Variants in COL27A1 observed in about 807,000 individuals in gnomAD.
COL27A1 encodes collagen alpha-1(XXVII) chain.
COL27A1 carries 106 observed loss-of-function variants against 251.3 expected under a neutral mutation model. The ratio of observed to expected loss-of-function variants is 0.42; its 90% CI spans 0.36 to 0.50. The LOEUF (loss-of-function observed/expected upper bound fraction) is 0.50. Among genes scored for constraint, COL27A1 ranks in the 20% least tolerant of loss-of-function variants. COL27A1 has a pLI of 0.00. For missense variants in COL27A1, 2,325 were observed against 2,522.8 expected (o/e 0.92, Z 1.68); for synonymous variants, 1,000 against 986.3 (o/e 1.01, Z -0.26).
At chr9:114,278,969 G>A (rs184118258) in intron 37 of COL27A1, among the ~76,000 whole-genome samples, 2 of 152,290 alleles carry the variant, frequency 1.3e-5, no homozygotes, top group East Asian at 3.9e-4. Flanking sequence ...CTCACCCACT[G>A]TATGTATGCT....
chr9:114,277,466 T>G lies in COL27A1; in HGVS notation c.3717+1698T>G, dbSNP rs1038779. Among the ~76,000 whole-genome samples the G allele has an allele frequency of 9.5e-3, 1,453 of 152,294 alleles. 22 individuals are homozygous for G. The highest frequency in any genetic ancestry group is 0.033 in the African/African-American group (1,387 of 41,540). On this transcript the variant is annotated intron_variant, in intron 37 of 60. Transcript: ENST00000356083. ...TTCAGGCCTGCTCTTGACACTGTTTTTCCCCCCTGAAGTGTTTACATGACT... is the reference window on the plus strand; with the variant it reads ...TTCAGGCCTGCTCTTGACACTGTTTGTCCCCCCTGAAGTGTTTACATGACT...
intron 57 of COL27A1, 78 bp downstream of exon 57, chr9:114,304,751 T>G: frequency 7.9e-7 from 1 of 1,269,452 alleles, no homozygotes; most frequent in African/African-American, 1.5e-5. Context: ...ATGTGGTCAG[T>G]GCCTTCCATG....
At chr9:114,233,424 G>A (rs1832105644) in intron 16 of COL27A1, among the ~76,000 whole-genome samples, 1 of 152,116 alleles carries the variant, frequency 6.6e-6, no homozygotes. Context: ...CAAGCCTCCA[G>A]CCACAACCCA....
Position 114,301,569 on chromosome 9 carries a change from GT to G in COL27A1, c.4809+108del, listed in dbSNP as rs1588896325. On this transcript the variant is annotated intron_variant, in intron 54 of 60. Transcript: ENST00000356083. ...CCTCCGGACCTCCGTCATCCCGTCTGTGCCAGAGGAACCATTGTCCCTGGGT... is the reference window on the plus strand; with the variant it reads ...CCTCCGGACCTCCGTCATCCCGTCTGGCCAGAGGAACCATTGTCCCTGGGT... The G allele has an allele frequency of 2.7e-5, 41 of 1,534,912 alleles. No homozygotes were observed. In the East Asian group the frequency reaches 9.3e-4, roughly 35 times the overall value.
intron 24 of COL27A1, 127 bp from the exon 25 acceptor site, chr9:114,250,488 C>G (rs1408202280): frequency 2.5e-6 from 2 of 805,792 alleles, no homozygotes; most frequent in Non-Finnish European, 4.2e-6. Flanking sequence ...CCGGCACAAC[C>G]CCATGCTGGC....
chr9:114,266,015 G>A (rs1385427603), intron 32 of COL27A1, among the ~76,000 whole-genome samples: 1 of 152,232 alleles, frequency 6.6e-6, no homozygotes, highest in African/African-American at 2.4e-5. Context: ...GGGAGGACAG[G>A]TGTGGGGGGA....
At position 114,309,152 on chromosome 9, in the gene COL27A1, T is replaced by G. The variant is rs528770106; in HGVS notation, c.5218-108T>G. 6.9e-5 allele frequency: 61 copies of G among 884,530 alleles called. No individual in the cohort carries two copies. In the Middle Eastern group the frequency reaches 9.0e-4, roughly 13 times the overall value. The allele number at this position is 884,530 out of a possible 1,614,324, so 54.8% of individuals were successfully genotyped here. A position where few individuals can be genotyped will look rare whatever the true frequency, so the allele number is the denominator to read the frequency against. On this transcript the variant is annotated intron_variant, in intron 59 of 60. Transcript: ENST00000356083. The stretch of plus-strand genomic sequence containing the variant: ...GTCTGGGAGCATATCAGGAAATGCT[T>G]GCCAGGAAGGGGCCTATCCCTGTTC...
At chr9:114,214,462 G>A (rs946142172) in intron 12 of COL27A1, among the ~76,000 whole-genome samples, 1 of 152,180 alleles carries the variant, frequency 6.6e-6, no homozygotes, top group African/African-American at 2.4e-5. Flanking sequence ...GTTTGGAAGG[G>A]TGATGTGTCA....
chr9:114,282,196 C>A lies in COL27A1; in HGVS notation c.3718-81C>A. 8.3e-6 allele frequency: 11 copies of A among 1,327,196 alleles called. 1 individual carries two copies. The South Asian group carries it at 1.3e-4, about 16-fold the overall frequency. The allele number at this position is 1,327,196 out of a possible 1,614,324, so 82.2% of individuals were successfully genotyped here. On this transcript the variant is annotated intron_variant, in intron 37 of 60. Coordinates refer to ENST00000356083, the MANE Select transcript of COL27A1 (RefSeq NM_032888.4). ...CCTGGCCATCTGCCTCCAGAGCCGA[C>A]AGTCTGACCGCCTTGCGGATCCGCC... is the stretch of plus-strand genomic sequence containing the variant.
At position 114,183,039 on chromosome 9, in the gene COL27A1, T is replaced by C. The variant is rs1382174375; in HGVS notation, c.1980T>C (p.Tyr660=). 5.6e-6 allele frequency: 9 copies of C among 1,613,662 alleles called. No individual in the cohort carries two copies. Among genetic ancestry groups the C allele is most frequent in the Non-Finnish European group, 7.6e-6 (9 of 1,180,006 alleles). ...TCTTTCAGGGTCCTCCTGGGCCTTA[T>C]GGAAATCCAGGTCTCCCCGGCCCTC... is the stretch of plus-strand genomic sequence containing the variant. The part of the protein sequence containing the change: ...ARGPRGPPGP[Y]GNPGLPGPPG... The change falls in exon 5 of 61, where the codon TAT becomes TAC. Residue 660 remains tyrosine (Y), a synonymous_variant. Transcript: ENST00000356083.
intron 4 of COL27A1, among the ~76,000 whole-genome samples, chr9:114,182,819 C>G (rs1200339098): frequency 6.6e-6 from 1 of 152,178 alleles, no homozygotes; most frequent in South Asian, 2.1e-4. Context: ...TGAGATGGCA[C>G]ATGGGATGTG....
At chr9:114,215,241 T>C (rs902512650) in intron 12 of COL27A1, among the ~76,000 whole-genome samples, 1 of 152,258 alleles carries the variant, frequency 6.6e-6, no homozygotes, top group Non-Finnish European at 1.5e-5. Flanking sequence ...CACAGTGCAT[T>C]TGGGCTTCAA....
chr9:114,167,335 T>A (rs1848955918), intron 2 of COL27A1, among the ~76,000 whole-genome samples: 1 of 152,148 alleles, frequency 6.6e-6, no homozygotes, highest in Non-Finnish European at 1.5e-5. Flanking sequence ...CCTTCTGAGG[T>A]TGGGACTGTT....
At chr9:114,294,002 G>A (rs931049823) in intron 49 of COL27A1, among the ~76,000 whole-genome samples, 1 of 151,974 alleles carries the variant, frequency 6.6e-6, no homozygotes, top group South Asian at 2.1e-4. Flanking sequence ...ACTTTGGGAG[G>A]CCGAGGTGGG....
chr9:114,208,352 G>A (rs1411283531), intron 10 of COL27A1, among the ~76,000 whole-genome samples: 1 of 152,176 alleles, frequency 6.6e-6, no homozygotes, highest in Non-Finnish European at 1.5e-5. Flanking sequence ...AGGAGACTGA[G>A]GCAGGAGAAT....
chr9:114,231,896 G>A, intron 16 of COL27A1, 30 bp downstream of exon 16: 3 of 1,610,970 alleles, frequency 1.9e-6, no homozygotes, highest in Non-Finnish European at 2.5e-6. Flanking sequence ...ATTGCACTGT[G>A]GTTTCTCTGC....
chr9:114,180,385 AT>A (rs544993105), intron 4 of COL27A1, among the ~76,000 whole-genome samples: 54 of 152,258 alleles, frequency 3.5e-4, no homozygotes, highest in African/African-American at 1.2e-3. Flanking sequence ...TTCCCCATCT[AT>A]AAAGGCTGGG....
intron 18 of COL27A1, 26 bp from the exon 19 acceptor site, chr9:114,237,636 T>G: frequency 1.2e-6 from 2 of 1,611,188 alleles, no homozygotes; most frequent in Middle Eastern, 3.3e-4. Context: ...CACCCCTGCC[T>G]CCCTGCAACC....
In COL27A1 at chr9:114,168,261, T is replaced by C. The variant is rs1564418552; in HGVS notation, c.706T>C (p.Cys236Arg). The C allele has an allele frequency of 1.2e-6, 2 of 1,613,940 alleles. No individual in the cohort carries two copies. Among genetic ancestry groups the C allele is most frequent in the Non-Finnish European group, 1.7e-6 (2 of 1,180,020 alleles). ...TTACTGTACCCACCTGAGGAAGCAG[T>C]GTGGACAGGCTGACACGTACCAGTC... is the stretch of plus-strand genomic sequence containing the variant. Reference protein sequence around the residue: ...HNYCTHLRKQCGQADTYQSPL... With the variant: ...HNYCTHLRKQRGQADTYQSPL... Residue 236 changes from cysteine to arginine, a missense_variant, in exon 3 of 61, where the codon TGT (cysteine) becomes CGT (arginine). Physicochemically the swap from Cys to Arg is radical, Grantham distance 180. This residue lies in a region of COL27A1 where 1,183 missense variants were observed against 1,144.1 expected (regional missense o/e 1.03). Transcript: ENST00000356083.
Sources: allele counts gnomAD v4.1 joint callset (sites outside exome capture counted in the v4.1 genomes callset), GRCh38; gene constraint gnomAD v4.1.1; regional missense constraint gnomAD v4.1.1; transcripts MANE v1.5; gene names NCBI Gene and HGNC (gene_info 2026-07-23, HGNC 2026-07-21).